SHISA5: variants seen among roughly 807,000 people sequenced by gnomAD.
SHISA5 encodes shisa family member 5, also known as protein shisa-5.
SHISA5 carries 21 observed loss-of-function variants against 27.5 expected under a neutral mutation model. That is an observed-to-expected ratio of 0.76 (90% CI 0.54 to 1.10). SHISA5 has a LOEUF of 1.10. Among genes scored for constraint, SHISA5 ranks in the 50% least tolerant of loss-of-function variants. The pLI, the probability that SHISA5 is intolerant of heterozygous loss-of-function variation, is 0.00. For missense variants in SHISA5, 314 were observed against 336.3 expected, an observed-to-expected ratio of 0.93 and a Z score of 0.52; for synonymous variants, 137 against 142.2, an observed-to-expected ratio of 0.96 and a Z score of 0.26.
intron 2 of SHISA5, among the ~76,000 whole-genome samples, chr3:48,493,124 A>G (rs1433189469): frequency 1.0e-4 from 2 of 20,046 alleles, no homozygotes; most frequent in Non-Finnish European, 1.6e-4. Context: ...CACAACCACC[A>G]AAATTGCTAA....
At chr3:48,475,468 C>T (rs917914369) in intron 3 of SHISA5, among the ~76,000 whole-genome samples, 1 of 152,158 alleles carries the variant, frequency 6.6e-6, no homozygotes, top group African/African-American at 2.4e-5. Context: ...GACTCCAAAC[C>T]TTAGACAGTG....
chr3:48,497,945 G>T (rs184839194), intron 2 of SHISA5, among the ~76,000 whole-genome samples: 13 of 151,776 alleles, frequency 8.6e-5, no homozygotes, highest in Admixed American at 6.6e-4. Flanking sequence ...ACTGGCTGTT[G>T]AGTTGATGTC....
intron 2 of SHISA5, among the ~76,000 whole-genome samples, chr3:48,499,356 T>C (rs1270247134): frequency 6.6e-6 from 1 of 151,480 alleles, no homozygotes; most frequent in Admixed American, 6.6e-5. Flanking sequence ...TACATTAAAT[T>C]TAAATGGAAT....
intron 1 of SHISA5, chr3:48,502,991 G>A (rs1407110669): frequency 4.4e-6 from 3 of 682,674 alleles, no homozygotes; most frequent in Non-Finnish European, 6.7e-6. Flanking sequence ...GGGGAGTTGG[G>A]GGGAACTGCA....
In SHISA5 at chr3:48,473,103, C is replaced by T; in HGVS notation, c.315-3260G>A. ...GGCCACTCAGTTTCAATTTCCTCCCCTTTTGGAGAAAAAGAAAGCAAATCT... is the reference window on the plus strand; with the variant it reads ...GGCCACTCAGTTTCAATTTCCTCCCTTTTTGGAGAAAAAGAAAGCAAATCT... On this transcript the variant is annotated intron_variant, in intron 3 of 5. Transcript: ENST00000296444. This position sits in a 1 kb window ranked among gnomAD's most constrained non-coding sequence, Gnocchi z 4.3. 4.7e-6 allele frequency: 7 copies of T among 1,486,380 alleles called. No homozygotes were observed. Among genetic ancestry groups the T allele is most frequent in the Non-Finnish European group, 6.2e-6 (7 of 1,124,992 alleles). The allele number at this position is 1,486,380 out of a possible 1,614,324, so 92.1% of individuals were successfully genotyped here.
intron 2 of SHISA5, among the ~76,000 whole-genome samples, chr3:48,498,722 A>G (rs577776693): frequency 1.9e-4 from 29 of 151,946 alleles, no homozygotes; most frequent in African/African-American, 7.0e-4. Context: ...CAGAATGGAA[A>G]AGAAGAAGTA....
intron 3 of SHISA5, among the ~76,000 whole-genome samples, chr3:48,474,285 C>G (rs929181808): frequency 1.3e-5 from 2 of 151,532 alleles, no homozygotes; most frequent in African/African-American, 4.8e-5. Flanking sequence ...CAGGGTCTCA[C>G]TGTGTTGCCC....
At chr3:48,490,596 G>A (rs1224166625) in intron 2 of SHISA5, among the ~76,000 whole-genome samples, 1 of 152,120 alleles carries the variant, frequency 6.6e-6, no homozygotes, top group Non-Finnish European at 1.5e-5. Context: ...GGGGCCTGGG[G>A]AGTCATGCCC....
At position 48,479,244 on chromosome 3, in the gene SHISA5, C is replaced by T; in HGVS notation, c.247G>A (p.Val83Ile). 1.2e-6 allele frequency: 2 copies of T among 1,607,784 alleles called. No homozygotes were observed. The change falls in exon 3 of 6, where the codon GTA becomes ATA. Residue 83 changes from valine to isoleucine, a missense_variant. Physicochemically the swap from Val to Ile is conservative, Grantham distance 29 (BLOSUM62 3). Coordinates refer to ENST00000296444, the MANE Select transcript of SHISA5 (RefSeq NM_016479.6). ...GAGCCCAGCTGCTCCACCGGCTCTA[C>T]ACTGGCAGGCACGCTGCAAACAGGA... ...AVPEASVPAS[V>I]EPVEQLGSAL...
chr3:48,477,282 G>C (rs1332846602), intron 3 of SHISA5, among the ~76,000 whole-genome samples: 1 of 152,018 alleles, frequency 6.6e-6, no homozygotes, highest in Non-Finnish European at 1.5e-5. Flanking sequence ...TTTTAGTAGA[G>C]ACAGGGTTTC....
At chr3:48,486,570 TTTATATA>T (rs1002970800) in intron 2 of SHISA5, among the ~76,000 whole-genome samples, 17 of 127,196 alleles carry the variant, frequency 1.3e-4, no homozygotes, top group South Asian at 4.4e-4. Context: ...GATTATAGAT[TTTATATA>T]TTATATATTA....
chr3:48,491,733 G>A (rs546414799), intron 2 of SHISA5, among the ~76,000 whole-genome samples: 1 of 151,886 alleles, frequency 6.6e-6, no homozygotes. Context: ...TGCAACCTCT[G>A]CCCCCACCAA....
chr3:48,480,919 AC>A (rs774511776), intron 2 of SHISA5, among the ~76,000 whole-genome samples: 13 of 151,502 alleles, frequency 8.6e-5, no homozygotes, highest in Non-Finnish European at 1.6e-4. Context: ...ATATGGTAAA[AC>A]CCCGTCTCTA....
intron 3 of SHISA5, among the ~76,000 whole-genome samples, chr3:48,472,556 G>C (rs560921360): frequency 1.3e-5 from 2 of 151,302 alleles, no homozygotes; most frequent in African/African-American, 4.8e-5. Flanking sequence ...CCCAACCCAA[G>C]CTTTATTCCA....
intron 2 of SHISA5, among the ~76,000 whole-genome samples, chr3:48,479,955 G>A (rs1239495244): frequency 2.0e-5 from 3 of 149,032 alleles, no homozygotes; most frequent in Non-Finnish European, 3.0e-5. Flanking sequence ...CCAGGCTGGA[G>A]TGCGGTGGCG....
intron 2 of SHISA5, among the ~76,000 whole-genome samples, chr3:48,486,904 A>G (rs1252578145): frequency 1.3e-5 from 2 of 148,708 alleles, no homozygotes; most frequent in East Asian, 3.9e-4. Context: ...TGGGTGACAG[A>G]GACAAGACTC....
intron 3 of SHISA5, among the ~76,000 whole-genome samples, chr3:48,474,864 C>A (rs1310367250): frequency 6.6e-6 from 1 of 152,118 alleles, no homozygotes; most frequent in Admixed American, 6.6e-5. Flanking sequence ...CATTCCTGCT[C>A]ACCCCTCAGG....
chr3:48,479,148 G>T (rs1309456392), intron 3 of SHISA5, 29 bp downstream of exon 3: 10 of 1,585,116 alleles, frequency 6.3e-6, no homozygotes, highest in Non-Finnish European at 8.6e-6. Flanking sequence ...TTGCCAGGAA[G>T]ATGCACCCAG....
At chr3:48,503,287 A>C in intron 1 of SHISA5, 1 of 722,308 alleles carries the variant, frequency 1.4e-6, no homozygotes, top group Non-Finnish European at 2.1e-6. Context: ...CGACCCTCCT[A>C]CAGGCTCACT....
Sources: allele counts gnomAD v4.1 joint callset (sites outside exome capture counted in the v4.1 genomes callset), GRCh38; gene constraint gnomAD v4.1.1; non-coding constraint Gnocchi (gnomAD v3.1); transcripts MANE v1.5; gene names NCBI Gene and HGNC (gene_info 2026-07-23, HGNC 2026-07-21).